Variants in NAA11 observed in about 807,000 individuals in gnomAD.
NAA11 encodes N-alpha-acetyltransferase 11, NatA catalytic subunit.
A neutral mutation model predicts 16.1 loss-of-function variants in NAA11; 15 were observed. The observed-to-expected ratio is 0.93, with a 90% CI of 0.62 to 1.44. The LOEUF (loss-of-function observed/expected upper bound fraction) is 1.44, where lower values mean the gene tolerates loss of function less well. NAA11 is among the 40% of genes most tolerant of loss of function. NAA11 has a pLI of 0.00. For missense variants in NAA11, 298 were observed against 291.3 expected (o/e 1.02, Z -0.17); for synonymous variants, 122 against 112.4 (o/e 1.09, Z -0.54).
intron 1 of NAA11, among the ~76,000 whole-genome samples, chr4:79,296,739 A>T (rs184904648): frequency 6.6e-6 from 1 of 152,290 alleles, no homozygotes; most frequent in Non-Finnish European, 1.5e-5. Flanking sequence ...GTCTCCCAGA[A>T]GCCAGTATGC....
chr4:79,202,623 T>TTATA, the NAA11 span, among the ~76,000 whole-genome samples: 1,105 of 52,632 alleles, frequency 0.021, 114 homozygotes, highest in Middle Eastern at 0.051. Flanking sequence ...ATATATAGTT[T>TTATA]TATATATATA....
intron 2 of NAA11, chr4:79,244,638 C>CCCGCTCCCCCTCCCCATCTCCCCTCT (rs1721765626): frequency 2.3e-5 from 1 of 44,336 alleles, no homozygotes. Context: ...CCCTCCCCCT[C>CCCGCTCCCCCTCCCCATCTCCCCTCT]CCCGTCTCCG....
At chr4:79,305,815 A>G (rs1395886762) in intron 1 of NAA11, among the ~76,000 whole-genome samples, 2 of 152,170 alleles carry the variant, frequency 1.3e-5, no homozygotes, top group African/African-American at 2.4e-5. Flanking sequence ...GTATAACATA[A>G]TAATCCTCAA....
At chr4:79,204,912 T>A in the NAA11 span, among the ~76,000 whole-genome samples, 2 of 136,548 alleles carry the variant, frequency 1.5e-5, no homozygotes, top group African/African-American at 5.8e-5. Flanking sequence ...TTATGGCTAA[T>A]ATTCCATGGT....
chr4:79,288,433 A>C (rs995437695), intron 2 of NAA11, among the ~76,000 whole-genome samples: 1 of 152,248 alleles, frequency 6.6e-6, no homozygotes, highest in African/African-American at 2.4e-5. Context: ...AGGCATTAAA[A>C]GATATGCTGC....
At chr4:79,177,988 G>T in the NAA11 span, among the ~76,000 whole-genome samples, 1 of 152,096 alleles carries the variant, frequency 6.6e-6, no homozygotes, top group African/African-American at 2.4e-5. Context: ...TCTCATAGCT[G>T]TTCTCAGATT....
At chr4:79,222,861 A>G (rs2109949772), downstream of NAA11, among the ~76,000 whole-genome samples, 1 of 152,284 alleles carries the variant, frequency 6.6e-6, no homozygotes, top group East Asian at 1.9e-4. Flanking sequence ...TCTCAAAAGA[A>G]GACATCTATG....
intron 2 of NAA11, among the ~76,000 whole-genome samples, chr4:79,246,873 G>A (rs1333810203): frequency 6.6e-6 from 1 of 152,104 alleles, no homozygotes; most frequent in Non-Finnish European, 1.5e-5. Flanking sequence ...TTTTCTAATC[G>A]GAATCACCCT....
chr4:79,306,922 A>G (rs1553896377), intron 1 of NAA11: 1 of 152,226 alleles, frequency 6.6e-6, no homozygotes, highest in Non-Finnish European at 1.5e-5. Flanking sequence ...TTGTATAGCT[A>G]TAGTCAAAGC....
At chr4:79,220,548 G>A in the NAA11 span, among the ~76,000 whole-genome samples, 1 of 151,912 alleles carries the variant, frequency 6.6e-6, no homozygotes, top group Non-Finnish European at 1.5e-5. Context: ...AATAATATAT[G>A]TGATTATATA....
chr4:79,167,310 G>C, the NAA11 span, among the ~76,000 whole-genome samples: 1 of 138,136 alleles, frequency 7.2e-6, no homozygotes, highest in African/African-American at 2.8e-5. Context: ...GACGTGGTAA[G>C]AAATCAGGGA....
the NAA11 span, among the ~76,000 whole-genome samples, chr4:79,212,280 G>A: frequency 2.0e-5 from 3 of 152,070 alleles, no homozygotes; most frequent in East Asian, 5.8e-4. Flanking sequence ...AAATATATAG[G>A]ACTATTTCCC....
chr4:79,195,477 T>G, the NAA11 span, among the ~76,000 whole-genome samples: 1 of 152,170 alleles, frequency 6.6e-6, no homozygotes, highest in African/African-American at 2.4e-5. Flanking sequence ...TACTGTTTTT[T>G]CCTTTGGCTT....
At chr4:79,297,690 G>A (rs1202512216) in intron 1 of NAA11, among the ~76,000 whole-genome samples, 1 of 152,206 alleles carries the variant, frequency 6.6e-6, no homozygotes. Context: ...CAGACTTTGG[G>A]TGCCAATAAG....
intron 2 of NAA11, among the ~76,000 whole-genome samples, chr4:79,277,554 C>T (rs1479009208): frequency 6.6e-6 from 1 of 152,096 alleles, no homozygotes; most frequent in Non-Finnish European, 1.5e-5. Context: ...TTGCCTTCTA[C>T]TTTTAAACTT....
At chr4:79,316,567 A>G (rs1343882028), downstream of NAA11, 1 of 152,218 alleles carries the variant, frequency 6.6e-6, no homozygotes, top group African/African-American at 2.4e-5. Context: ...AGTTTTCATA[A>G]AAGTTTAAAC....
chr4:79,262,518 T>C (rs1171498586), intron 2 of NAA11, among the ~76,000 whole-genome samples: 1 of 151,852 alleles, frequency 6.6e-6, no homozygotes, highest in African/African-American at 2.4e-5. Flanking sequence ...TAGGGGGGAA[T>C]AGGGAAATTT....
intron 2 of NAA11, among the ~76,000 whole-genome samples, chr4:79,231,403 C>T (rs540186578): frequency 1.3e-5 from 2 of 152,036 alleles, no homozygotes; most frequent in South Asian, 4.1e-4. Context: ...TCCCTAGTTA[C>T]ACTGGAAAAC....
At chr4:79,257,863 T>C (rs1722155699) in intron 2 of NAA11, among the ~76,000 whole-genome samples, 1 of 152,236 alleles carries the variant, frequency 6.6e-6, no homozygotes, top group Non-Finnish European at 1.5e-5. Flanking sequence ...TCATATTCTG[T>C]TAAAATTTTA....
Sources: allele counts gnomAD v4.1 joint callset (sites outside exome capture counted in the v4.1 genomes callset), GRCh38; gene constraint gnomAD v4.1.1; transcripts MANE v1.5; gene names NCBI Gene and HGNC (gene_info 2026-07-23, HGNC 2026-07-21).